AKAP8L: variants seen among roughly 807,000 people sequenced by gnomAD.
AKAP8L encodes A-kinase anchoring protein 8 like.
A neutral mutation model predicts 77.5 loss-of-function variants in AKAP8L; 34 were observed. The observed-to-expected ratio is 0.44, with a 90% CI of 0.33 to 0.58. The LOEUF is 0.58. Among genes scored for constraint, AKAP8L ranks in the 20% least tolerant of loss-of-function variants. The probability of loss-of-function intolerance (pLI) is 0.02; values close to 1 mark genes in which losing one functional copy is unlikely to be tolerated. For missense variants in AKAP8L, 806 were observed against 887.6 expected (o/e 0.91, Z 1.17); for synonymous variants, 342 against 340.7 (o/e 1.00, Z -0.04).
intron 1 of AKAP8L, among the ~76,000 whole-genome samples, chr19:15,413,898 T>C (rs1731345137): frequency 6.6e-6 from 1 of 152,114 alleles, no homozygotes; most frequent in Admixed American, 6.5e-5. Flanking sequence ...GGTGCTTCCC[T>C]AGGAAGGAAA....
intron 12 of AKAP8L, among the ~76,000 whole-genome samples, chr19:15,386,983 C>A (rs2145109399): frequency 6.6e-6 from 1 of 152,266 alleles, no homozygotes; most frequent in East Asian, 1.9e-4. Context: ...CTCATCCCGC[C>A]CCCAGCTACC....
At position 15,400,938 on chromosome 19, in the gene AKAP8L, T is replaced by G; in HGVS notation, c.913+9A>C. 1 of 1,613,918 alleles carries G rather than the reference T, an allele frequency of 6.2e-7. No individual in the cohort carries two copies. Among genetic ancestry groups the G allele is most frequent in the South Asian group, 1.1e-5 (1 of 91,072 alleles). ...GGGGCAGCCGCCCAGTACCACCTAG[T>G]GGGCTCACCATTGTCTGAGTCGCTG... On this transcript the variant is annotated intron_variant, in intron 6 of 13. Coordinates refer to ENST00000397410, the MANE Select transcript of AKAP8L (RefSeq NM_014371.4).
Position 15,380,364 on chromosome 19 carries a change from G to C in AKAP8L, c.1699C>G (p.Leu567Val). The change falls in exon 14 of 14, where the codon CTG (leucine) becomes GTG (valine). Residue 567 changes from leucine to valine, a missense_variant. By Grantham distance (32) the Leu-to-Val change is conservative. Coordinates refer to ENST00000397410, the MANE Select transcript of AKAP8L (RefSeq NM_014371.4). ...KEQEEAEGGA[L>V]DEGAQGEAAG... ...GCTTCGCCCTGCGCCCCCTCGTCCA[G>C]GGCACCGCCCTCAGCCTCCTCCTGC... The C allele has an allele frequency of 6.4e-7, 1 of 1,561,540 alleles. No individual in the cohort carries two copies. Among genetic ancestry groups the C allele is most frequent in the Non-Finnish European group, 8.6e-7 (1 of 1,157,060 alleles).
intron 12 of AKAP8L, chr19:15,383,184 G>A (rs1334130919): frequency 6.6e-6 from 1 of 152,154 alleles, no homozygotes; most frequent in Non-Finnish European, 1.5e-5. Context: ...TGTTGGAGAG[G>A]TTAGTGCTAA....
rs989220454 is a variant in AKAP8L, at chr19:15,399,162, G to A, written c.1157+140C>T. ...CCTTGGGAGCTGGGCCTGGCGGGAA[G>A]CAGGGTCCATGCACGGCCGAGCAGG... On this transcript the variant is annotated intron_variant, in intron 9 of 13. Transcript: ENST00000397410. This position sits in a 1 kb window ranked among gnomAD's most constrained non-coding sequence, Gnocchi z 6.1. 2.7e-6 allele frequency: 2 copies of A among 732,822 alleles called. No homozygotes were observed. Among genetic ancestry groups the A allele is most frequent in the Admixed American group, 2.3e-5 (1 of 43,488 alleles). The allele number at this position is 732,822 out of a possible 1,614,324, so 45.4% of individuals were successfully genotyped here. A position where few individuals can be genotyped will look rare whatever the true frequency, so the allele number is the denominator to read the frequency against.
chr19:15,418,983 T>G lies in AKAP8L; in HGVS notation c.-60A>C. On this transcript the variant is annotated 5_prime_UTR_variant, in exon 1 of 14. Coordinates refer to ENST00000397410, the MANE Select transcript of AKAP8L (RefSeq NM_014371.4). ...TTCTGCTGCTCTGAACATCCGACGCTGCGATAGCTGCTGCTAACCACAGGG... is the reference window on the plus strand; with the variant it reads ...TTCTGCTGCTCTGAACATCCGACGCGGCGATAGCTGCTGCTAACCACAGGG... 3 of 1,600,872 alleles carry G rather than the reference T, an allele frequency of 1.9e-6. No individual in the cohort carries two copies. Among genetic ancestry groups the G allele is most frequent in the Non-Finnish European group, 2.5e-6 (3 of 1,178,330 alleles).
rs118016963 is a variant in AKAP8L, at chr19:15,404,105, C to T, written c.89-63G>A. ...TTACAATACAAGGCCATAATTCAGG[C>T]GCAGACAATTATTCCCAGGACCTGA... On this transcript the variant is annotated intron_variant, in intron 2 of 13. Coordinates refer to ENST00000397410, the MANE Select transcript of AKAP8L (RefSeq NM_014371.4). 339 of 1,548,528 alleles carry T rather than the reference C, an allele frequency of 2.2e-4. 1 individual carries two copies. In the African/African-American group the frequency reaches 3.9e-3, roughly 18 times the overall value.
chr19:15,380,648 C>G (rs367722230), intron 12 of AKAP8L, 36 bp from the exon 13 acceptor site: 6 of 1,602,092 alleles, frequency 3.7e-6, no homozygotes, highest in Non-Finnish European at 5.1e-6. Flanking sequence ...AGAGGCTGCT[C>G]TGAGTGCCCT....
At chr19:15,392,574 T>C (rs1294312105) in intron 12 of AKAP8L, among the ~76,000 whole-genome samples, 2 of 150,722 alleles carry the variant, frequency 1.3e-5, no homozygotes, top group Non-Finnish European at 3.0e-5. Flanking sequence ...CCATTCATAA[T>C]AGTAACAGAA....
At position 15,399,133 on chromosome 19, in the gene AKAP8L, C is replaced by T. The variant is rs1031621192; in HGVS notation, c.1157+169G>A. On this transcript the variant is annotated intron_variant, in intron 9 of 13. Coordinates refer to ENST00000397410, the MANE Select transcript of AKAP8L (RefSeq NM_014371.4). The surrounding 1 kb of genome is among the most constrained non-coding windows in gnomAD (Gnocchi z 6.1). ...GGCCGCAGAGGGGCAGGGGATGAGT[C>T]AGGCCTTGGGAGCTGGGCCTGGCGG... The T allele has an allele frequency of 7.7e-6, 5 of 649,722 alleles. No homozygotes were observed. Among genetic ancestry groups the T allele is most frequent in the Admixed American group, 2.6e-5 (1 of 38,034 alleles). 40.2% of individuals were successfully genotyped at this position (649,722 alleles called of 1,614,324 possible).
chr19:15,398,834 G>A lies in AKAP8L; in HGVS notation c.1157+468C>T. On this transcript the variant is annotated intron_variant, in intron 9 of 13. Transcript: ENST00000397410. This position sits in a 1 kb window ranked among gnomAD's most constrained non-coding sequence, Gnocchi z 9.2. ...CCGCAGACAGGCCCGGCCTGACAGGGCCGGCGGGCAGGGCAGAAGGCAGGC... is the reference window on the plus strand; with the variant it reads ...CCGCAGACAGGCCCGGCCTGACAGGACCGGCGGGCAGGGCAGAAGGCAGGC... 9.8e-7 allele frequency: 1 copy of A among 1,015,474 alleles called. No homozygotes were observed. Among genetic ancestry groups the A allele is most frequent in the Non-Finnish European group, 1.2e-6 (1 of 847,414 alleles). The allele number at this position is 1,015,474 out of a possible 1,614,324, so 62.9% of individuals were successfully genotyped here. A position where few individuals can be genotyped will look rare whatever the true frequency, so the allele number is the denominator to read the frequency against.
chr19:15,400,458 T>C, intron 7 of AKAP8L, 100 bp from the exon 8 acceptor site: 1 of 1,193,008 alleles, frequency 8.4e-7, no homozygotes, highest in South Asian at 1.4e-5. Context: ...AAACAGCTGC[T>C]TGCTCCATAG....
At chr19:15,413,770 T>C (rs1214611056) in intron 1 of AKAP8L, among the ~76,000 whole-genome samples, 1 of 152,200 alleles carries the variant, frequency 6.6e-6, no homozygotes, top group Non-Finnish European at 1.5e-5. Flanking sequence ...CCTCAGACTT[T>C]AGGTAATGTG....
chr19:15,397,355 C>T lies in AKAP8L; in HGVS notation c.1406-75G>A, dbSNP rs1967797429. 1 of 1,572,808 alleles carries T rather than the reference C, an allele frequency of 6.4e-7. No individual in the cohort carries two copies. The highest frequency in any genetic ancestry group is 1.4e-5 in the African/African-American group (1 of 73,938). On this transcript the variant is annotated intron_variant, in intron 11 of 13. Transcript: ENST00000397410. The surrounding 1 kb of genome is among the most constrained non-coding windows in gnomAD (Gnocchi z 4.7). ...ACCCAGGTGTTCGAGAAAAAAACCA[C>T]ACCAGCTCCTCCTCAACTCGCCCTG... is the stretch of plus-strand genomic sequence containing the variant.
chr19:15,380,741 G>C, intron 12 of AKAP8L, 129 bp from the exon 13 acceptor site: 1 of 734,430 alleles, frequency 1.4e-6, no homozygotes, highest in Non-Finnish European at 2.3e-6. Context: ...CACCAACGGA[G>C]GGCCACTCCA....
chr19:15,400,895 AG>A (rs1178227172), intron 6 of AKAP8L, 31 bp from the exon 7 acceptor site: 1 of 1,613,906 alleles, frequency 6.2e-7, no homozygotes, highest in South Asian at 1.1e-5. Context: ...AGCTCAACCC[AG>A]GAGTTCCCAG....
At position 15,380,547 on chromosome 19, in the gene AKAP8L, G is replaced by A. The variant is rs564395427; in HGVS notation, c.1602C>T (p.Leu534=). 1 of 1,613,966 alleles carries A rather than the reference G, an allele frequency of 6.2e-7. No homozygotes were observed. Among genetic ancestry groups the A allele is most frequent in the South Asian group, 1.1e-5 (1 of 91,090 alleles). ...MVARSILNNK[L]ISKKLERYLK... ...GGTAGCGCTCCAGCTTCTTGCTGAT[G>A]AGCTTGTTGTTGAGAATACTGCGGG... Residue 534 remains leucine, a synonymous_variant, in exon 13 of 14, where the codon CTC becomes CTT. Coordinates refer to ENST00000397410, the MANE Select transcript of AKAP8L (RefSeq NM_014371.4).
chr19:15,403,475 C>T lies in AKAP8L; in HGVS notation c.362G>A (p.Arg121Lys). The T allele has an allele frequency of 6.2e-7, 1 of 1,613,892 alleles. No homozygotes were observed. The highest frequency in any genetic ancestry group is 8.5e-7 in the Non-Finnish European group (1 of 1,179,858). Reference protein sequence around the residue: ...QGGVYGSGGERYDSYESCDSR... With the variant: ...QGGVYGSGGEKYDSYESCDSR... ...AACCCCTAGGCAGGTGTCCACTCAC[C>T]TTTCTCCACCTGAGCCGTACACGCC... Residue 121 changes from arginine to lysine, a missense_variant and splice_region_variant, in exon 4 of 14, where the codon AGG becomes AAG. Around this residue, in one of 2 missense-constraint regions of AKAP8L, gnomAD observed 580 missense variants for 694.1 expected, o/e 0.84. Coordinates refer to ENST00000397410, the MANE Select transcript of AKAP8L (RefSeq NM_014371.4). This position sits in a 1 kb window ranked among gnomAD's most constrained non-coding sequence, Gnocchi z 4.3.
chr19:15,399,336 G>C lies in AKAP8L; in HGVS notation c.1123C>G (p.Gln375Glu), dbSNP rs1165783749. 4 of 1,613,798 alleles carry C rather than the reference G, an allele frequency of 2.5e-6. No individual in the cohort carries two copies. The highest frequency in any genetic ancestry group is 3.4e-6 in the Non-Finnish European group (4 of 1,179,808). Residue 375 changes from glutamine to glutamate, a missense_variant, in exon 9 of 14, where the codon CAG becomes GAG. Physicochemically the swap from Gln to Glu is conservative, Grantham distance 29. Around this residue, in one of 2 missense-constraint regions of AKAP8L, gnomAD observed 580 missense variants for 694.1 expected, o/e 0.84. Transcript: ENST00000397410. This position sits in a 1 kb window ranked among gnomAD's most constrained non-coding sequence, Gnocchi z 6.1. ...ATGCGGTCTCGCTGCCGCTTTTTCT[G>C]CTTGTCCTGACTCTTCTTGCCTGCC... Reference protein sequence around the residue: ...LQAGKKSQDKQKKRQRDRMVE... With the variant: ...LQAGKKSQDKEKKRQRDRMVE...
Sources: gnomAD v4.1 joint callset for allele counts (sites outside exome capture counted in the v4.1 genomes callset) on GRCh38, gnomAD v4.1.1 for gene constraint, gnomAD v4.1.1 regional missense constraint, Gnocchi (gnomAD v3.1) non-coding constraint, MANE v1.5 for transcripts, NCBI Gene and HGNC (gene_info 2026-07-23, HGNC 2026-07-21) for gene names.